Variants in FOXK1 observed in about 807,000 individuals in gnomAD.
The protein encoded by FOXK1 is forkhead box K1.
Under a neutral mutation model 51.9 loss-of-function variants are expected in FOXK1, and 19 were observed. The ratio of observed to expected loss-of-function variants is 0.37; its 90% CI spans 0.26 to 0.54. FOXK1 has a LOEUF of 0.54. Ranked by LOEUF, FOXK1 falls within the 20% of genes least tolerant of loss-of-function variation. FOXK1 has a pLI of 0.87. For missense variants in FOXK1, 870 were observed against 1,032.7 expected (o/e 0.84, Z 2.16); for synonymous variants, 537 against 482.6 (o/e 1.11, Z -1.48).
rs543238630 is a variant in FOXK1 at position 4,683,947 on chromosome 7, G to A, written c.560+1079G>A. Among the ~76,000 whole-genome samples, 145 of 152,246 alleles carry A rather than the reference G, an allele frequency of 9.5e-4. No homozygotes were observed. The highest frequency in any genetic ancestry group is 1.6e-3 in the Non-Finnish European group (109 of 68,022). On this transcript the variant is annotated intron_variant, in intron 1 of 8. Transcript: ENST00000328914. The surrounding 1 kb of genome is among the most constrained non-coding windows in gnomAD (Gnocchi z 4.5). ...ACTAGTGCTCCTTGGATGGAGTAGC[G>A]GGACCCCAAGATCAAATTAGATTCC... is the stretch of plus-strand genomic sequence containing the variant.
At chr7:4,691,135 G>A (rs1189864399) in intron 1 of FOXK1, among the ~76,000 whole-genome samples, 1 of 152,170 alleles carries the variant, frequency 6.6e-6, no homozygotes, top group Non-Finnish European at 1.5e-5. Flanking sequence ...GTGCTGCCAG[G>A]AATCGGAGGA....
In FOXK1 at chr7:4,683,132, GC is replaced by G. The variant is rs1170856030; in HGVS notation, c.560+269del. 1.3e-5 allele frequency among the ~76,000 whole-genome samples: 2 copies of G among 149,258 alleles called. No individual in the cohort carries two copies. The highest frequency in any genetic ancestry group is 2.1e-4 in the South Asian group (1 of 4,692). The stretch of plus-strand genomic sequence containing the variant: ...CTTTCCCCGGTCTGGATACCCCGTC[GC>G]CCCCGACCCCCACCGGCCTGGACTC... On this transcript the variant is annotated intron_variant, in intron 1 of 8. Transcript: ENST00000328914. This position sits in a 1 kb window ranked among gnomAD's most constrained non-coding sequence, Gnocchi z 4.5.
intron 1 of FOXK1, among the ~76,000 whole-genome samples, chr7:4,687,085 A>C (rs909858550): frequency 6.6e-6 from 1 of 151,826 alleles, no homozygotes; most frequent in Non-Finnish European, 1.5e-5. Flanking sequence ...GGCACCTGCC[A>C]GCATGCCCAG....
intron 7 of FOXK1, 103 bp downstream of exon 7, chr7:4,759,698 G>T (rs2115075423): frequency 7.5e-7 from 1 of 1,326,996 alleles, no homozygotes; most frequent in East Asian, 2.5e-5. Flanking sequence ...GGCTTGAGGA[G>T]GATGATTCTC....
rs1413084013 is a variant in FOXK1 at position 4,713,794 on chromosome 7, GTTTTC to G, written c.561-27039_561-27035del. On this transcript the variant is annotated intron_variant, in intron 1 of 8. Transcript: ENST00000328914. Reference sequence around the variant, plus strand: ...CGTGAGCCACCGCACCCAGCCCCGTGTTTTCTTTTGAGTTTTTTCTTTTTTTCTTT... The same window carrying G: ...CGTGAGCCACCGCACCCAGCCCCGTGTTTTGAGTTTTTTCTTTTTTTCTTT... 2.0e-5 allele frequency among the ~76,000 whole-genome samples: 3 copies of G among 151,494 alleles called. No homozygotes were observed. In the South Asian group the frequency reaches 6.3e-4, roughly 32 times the overall value.
chr7:4,699,518 C>G (rs1043013708), intron 1 of FOXK1, among the ~76,000 whole-genome samples: 6 of 152,026 alleles, frequency 3.9e-5, no homozygotes, highest in African/African-American at 1.2e-4. Flanking sequence ...CAGGTGCCCA[C>G]CACCATGCTG....
chr7:4,745,713 G>A lies in FOXK1; in HGVS notation c.746+4690G>A, dbSNP rs532221675. 5.9e-4 allele frequency among the ~76,000 whole-genome samples: 89 copies of A among 152,124 alleles called. 1 individual carries two copies. The highest frequency in any genetic ancestry group is 2.0e-3 in the African/African-American group (84 of 41,486). On this transcript the variant is annotated intron_variant, in intron 2 of 8. Transcript: ENST00000328914. The surrounding 1 kb of genome is among the most constrained non-coding windows in gnomAD (Gnocchi z 4.3). Reference sequence around the variant, plus strand: ...GAGGTCAGGAGTTCGAGACCAGCCTGGTCAACATTGTGAAACCCCATCTCT... The same window carrying A: ...GAGGTCAGGAGTTCGAGACCAGCCTAGTCAACATTGTGAAACCCCATCTCT...
intron 7 of FOXK1, chr7:4,759,897 G>C (rs1181068686): frequency 2.0e-6 from 1 of 488,242 alleles, no homozygotes; most frequent in Non-Finnish European, 3.7e-6. Flanking sequence ...CAGGCATGAT[G>C]ATGCGCTCCT....
rs1169488445 is a variant in FOXK1, at chr7:4,729,869, A to G, written c.561-10969A>G. Among the ~76,000 whole-genome samples, 2 of 152,170 alleles carry G rather than the reference A, an allele frequency of 1.3e-5. No individual in the cohort carries two copies. Among genetic ancestry groups the G allele is most frequent in the Admixed American group, 6.5e-5 (1 of 15,278 alleles). ...GCCAGGCCTGGTAGTGGGTACCAGT[A>G]ATCCTAGCTACTCGGGAGGCTGAGG... On this transcript the variant is annotated intron_variant, in intron 1 of 8. Coordinates refer to ENST00000328914, the MANE Select transcript of FOXK1 (RefSeq NM_001037165.2). The surrounding 1 kb of genome is among the most constrained non-coding windows in gnomAD (Gnocchi z 6.2).
At chr7:4,700,505 T>C (rs186389045) in intron 1 of FOXK1, among the ~76,000 whole-genome samples, 103 of 152,190 alleles carry the variant, frequency 6.8e-4, no homozygotes, top group African/African-American at 2.2e-3. Context: ...AGAGATACAT[T>C]AGAAGTATTT....
chr7:4,733,068 C>T lies in FOXK1; in HGVS notation c.561-7770C>T, dbSNP rs1780503771. Among the ~76,000 whole-genome samples the T allele has an allele frequency of 6.6e-6, 1 of 152,174 alleles. No individual in the cohort carries two copies. Among genetic ancestry groups the T allele is most frequent in the Non-Finnish European group, 1.5e-5 (1 of 68,030 alleles). On this transcript the variant is annotated intron_variant, in intron 1 of 8. Transcript: ENST00000328914. The surrounding 1 kb of genome is among the most constrained non-coding windows in gnomAD (Gnocchi z 5.0). Reference sequence around the variant, plus strand: ...TCTGGGCTCCTGCACAGCTTCTGTTCTGGGGCTTTTCACCCTCTTCCTGGA... The same window carrying T: ...TCTGGGCTCCTGCACAGCTTCTGTTTTGGGGCTTTTCACCCTCTTCCTGGA...
intron 1 of FOXK1, among the ~76,000 whole-genome samples, chr7:4,710,857 C>T (rs750326455): frequency 3.3e-5 from 5 of 152,138 alleles, no homozygotes; most frequent in East Asian, 1.9e-4. Flanking sequence ...CATTCCACGT[C>T]GTGGATTTTT....
intron 1 of FOXK1, among the ~76,000 whole-genome samples, chr7:4,685,053 T>G (rs1163763039): frequency 6.6e-6 from 1 of 151,948 alleles, no homozygotes; most frequent in African/African-American, 2.4e-5. Flanking sequence ...TAGATGTGCG[T>G]GAAGTGCTTG....
chr7:4,742,089 G>A (rs1038211201), intron 2 of FOXK1, among the ~76,000 whole-genome samples: 9 of 152,252 alleles, frequency 5.9e-5, no homozygotes, highest in African/African-American at 9.6e-5. Context: ...GTTTGGTGCC[G>A]GAGCTGTGGC....
In FOXK1 at chr7:4,705,544, TCTCTCTCTCTCTCTCG is replaced by T. The variant is rs1255171627; in HGVS notation, c.560+22682_560+22697del. The stretch of plus-strand genomic sequence containing the variant: ...CTCTCTCTCTCTCTCTCTCTCTCTC[TCTCTCTCTCTCTCTCG>T]CTCTCGCTCTCTCGTCGCCAGGCTG... On this transcript the variant is annotated intron_variant, in intron 1 of 8. Transcript: ENST00000328914. 4.7e-5 allele frequency among the ~76,000 whole-genome samples: 7 copies of T among 148,980 alleles called. No individual in the cohort carries two copies. The East Asian group carries it at 7.9e-4, about 17-fold the overall frequency.
At chr7:4,724,872 G>A (rs115718248) in intron 1 of FOXK1, among the ~76,000 whole-genome samples, 81 of 152,348 alleles carry the variant, frequency 5.3e-4, no homozygotes, top group African/African-American at 1.8e-3. Flanking sequence ...GGGCTGTGCC[G>A]TAGGCCACAC....
At chr7:4,760,183 A>T (rs1211727350) in intron 7 of FOXK1, among the ~76,000 whole-genome samples, 2 of 152,202 alleles carry the variant, frequency 1.3e-5, no homozygotes, top group Non-Finnish European at 2.9e-5. Flanking sequence ...TTTCTGCAGG[A>T]GAAAGAATGA....
chr7:4,706,003 CGTATATAT>C (rs1780092705), intron 1 of FOXK1, among the ~76,000 whole-genome samples: 1 of 90,532 alleles, frequency 1.1e-5, no homozygotes, highest in South Asian at 2.6e-4. Context: ...CGTATATATA[CGTATATAT>C]ACGTATATAT....
intron 1 of FOXK1, among the ~76,000 whole-genome samples, chr7:4,687,305 T>C (rs1229005974): frequency 6.6e-6 from 1 of 151,672 alleles, no homozygotes; most frequent in Non-Finnish European, 1.5e-5. Flanking sequence ...TCGTTTTTGT[T>C]TTTTTGCAAC....
Sources: allele counts gnomAD v4.1 joint callset (sites outside exome capture counted in the v4.1 genomes callset), GRCh38; gene constraint gnomAD v4.1.1; non-coding constraint Gnocchi (gnomAD v3.1); transcripts MANE v1.5; gene names NCBI Gene and HGNC (gene_info 2026-07-23, HGNC 2026-07-21).